Variants in NIBAN1 observed in about 807,000 individuals in gnomAD.
NIBAN1 encodes the protein niban apoptosis regulator 1.
NIBAN1 carries 81 observed loss-of-function variants against 75.1 expected under a neutral mutation model. That is an observed-to-expected ratio of 1.08 (90% CI 0.90 to 1.30). The LOEUF (loss-of-function observed/expected upper bound fraction) is 1.30, where lower values mean the gene tolerates loss of function less well. Ranked by LOEUF, NIBAN1 falls within the 50% of genes most tolerant of loss-of-function variation. The pLI is 0.00. For synonymous variants in NIBAN1, 436 were observed against 424.8 expected, an observed-to-expected ratio of 1.03 and a Z score of -0.32; for missense variants, 1,133 against 1,128.1, an observed-to-expected ratio of 1.00 and a Z score of -0.06.
At chr1:184,951,599 G>A (rs937253059) in intron 1 of NIBAN1, among the ~76,000 whole-genome samples, 8 of 151,818 alleles carry the variant, frequency 5.3e-5, no homozygotes, top group African/African-American at 1.5e-4. Flanking sequence ...ACCCAACCAT[G>A]TCTCCCTACC....
intron 1 of NIBAN1, among the ~76,000 whole-genome samples, chr1:184,952,674 C>A (rs1421623745): frequency 6.6e-6 from 1 of 152,214 alleles, no homozygotes; most frequent in Non-Finnish European, 1.5e-5. Flanking sequence ...GCCCACAGGC[C>A]ATGGATTGCA....
At chr1:184,911,871 T>C (rs186145177) in intron 1 of NIBAN1, among the ~76,000 whole-genome samples, 1 of 152,272 alleles carries the variant, frequency 6.6e-6, no homozygotes, top group Admixed American at 6.5e-5. Context: ...TATATATACC[T>C]ACTACCCAGC....
chr1:184,913,139 A>ATATATATATATATAT (rs774534374), intron 1 of NIBAN1, among the ~76,000 whole-genome samples: 7,641 of 102,946 alleles, frequency 0.074, 749 homozygotes, highest in African/African-American at 0.22. Context: ...TCATGCAGGT[A>ATATATATATATATAT]TATATATATA....
intron 6 of NIBAN1, among the ~76,000 whole-genome samples, chr1:184,826,823 C>T (rs980438193): frequency 2.7e-5 from 4 of 147,602 alleles, no homozygotes; most frequent in Admixed American, 1.3e-4. Context: ...AATATGTCTG[C>T]GAGGAAAAAG....
At chr1:184,879,329 G>A (rs1656315476) in intron 5 of NIBAN1, among the ~76,000 whole-genome samples, 1 of 152,106 alleles carries the variant, frequency 6.6e-6, no homozygotes, top group Non-Finnish European at 1.5e-5. Context: ...AGTGCCCAAA[G>A]GAGCCTAAGT....
At chr1:184,893,443 C>T (rs191074344) in intron 3 of NIBAN1, among the ~76,000 whole-genome samples, 10 of 152,194 alleles carry the variant, frequency 6.6e-5, no homozygotes, top group Admixed American at 4.6e-4. Context: ...GAATGCTTTA[C>T]ACCCATTATC....
At chr1:184,932,546 GA>G (rs1482741136) in intron 1 of NIBAN1, among the ~76,000 whole-genome samples, 1 of 152,178 alleles carries the variant, frequency 6.6e-6, no homozygotes, top group East Asian at 1.9e-4. Context: ...AAATACAGAT[GA>G]AGCTTCGCTT....
chr1:184,919,233 G>A (rs1270550392), intron 1 of NIBAN1, among the ~76,000 whole-genome samples: 1 of 152,170 alleles, frequency 6.6e-6, no homozygotes, highest in Non-Finnish European at 1.5e-5. Flanking sequence ...TAAATATCTG[G>A]TACAAACTGG....
At chr1:184,840,956 A>AGTGTGTGTGTGT (rs57091998) in intron 5 of NIBAN1, among the ~76,000 whole-genome samples, 1 of 147,976 alleles carries the variant, frequency 6.8e-6, no homozygotes, top group African/African-American at 2.5e-5. Context: ...AAAGAGTGTG[A>AGTGTGTGTGTGT]GTGTGTGTGT....
intron 1 of NIBAN1, among the ~76,000 whole-genome samples, chr1:184,910,058 TCTTCCATAAGGTGAGTTCACCTAGCA>T (rs1657201511): frequency 6.6e-6 from 1 of 152,198 alleles, no homozygotes; most frequent in African/African-American, 2.4e-5. Context: ...TGGAAATTGC[TCTTCCATAAGGTGAGTTCACCTAGCA>T]CTTAATAAAT....
At chr1:184,823,804 C>T (rs1327693881) in intron 6 of NIBAN1, 62 bp from the exon 7 acceptor site, 5 of 1,425,328 alleles carry the variant, frequency 3.5e-6, no homozygotes, top group Non-Finnish European at 4.9e-6. Context: ...GAGCATCAGG[C>T]CAACTAAAAA....
intron 9 of NIBAN1, among the ~76,000 whole-genome samples, chr1:184,811,803 C>T (rs1038784945): frequency 1.3e-5 from 2 of 152,130 alleles, no homozygotes; most frequent in African/African-American, 2.4e-5. Context: ...CATTGAAGTA[C>T]ATTTTTAAAA....
chr1:184,920,298 A>C (rs1319749704), intron 1 of NIBAN1, among the ~76,000 whole-genome samples: 1 of 152,216 alleles, frequency 6.6e-6, no homozygotes, highest in Non-Finnish European at 1.5e-5. Context: ...TGGGATACAG[A>C]GTGTGATATT....
intron 3 of NIBAN1, among the ~76,000 whole-genome samples, chr1:184,892,058 C>A (rs998075271): frequency 2.0e-5 from 3 of 152,168 alleles, no homozygotes; most frequent in Admixed American, 6.5e-5. Flanking sequence ...AGGAAAAACA[C>A]CAACATTTGA....
chr1:184,819,291 A>C (rs1654627346), intron 8 of NIBAN1, among the ~76,000 whole-genome samples: 2 of 152,122 alleles, frequency 1.3e-5, no homozygotes, highest in Non-Finnish European at 1.5e-5. Context: ...ACTCCAGTAC[A>C]TTCTTTTCTT....
At position 184,937,257 on chromosome 1, in the gene NIBAN1, G is replaced by C. The variant is rs531851852; in HGVS notation, c.55+37045C>G. 2.0e-5 allele frequency among the ~76,000 whole-genome samples: 3 copies of C among 150,278 alleles called. No individual in the cohort carries two copies. The South Asian group carries it at 6.3e-4, about 32-fold the overall frequency. On this transcript the variant is annotated intron_variant, in intron 1 of 13. Transcript: ENST00000367511. ...AGTGTACTACAACCTTTAACTTCTGGGTTCAAGCAATGCTCCTGCCTCAGC... is the reference window on the plus strand; with the variant it reads ...AGTGTACTACAACCTTTAACTTCTGCGTTCAAGCAATGCTCCTGCCTCAGC...
At chr1:184,814,862 G>A (rs74132050) in intron 9 of NIBAN1, among the ~76,000 whole-genome samples, 13,765 of 152,228 alleles carry the variant, frequency 0.09, 1,993 homozygotes, top group African/African-American at 0.31. Flanking sequence ...TCAAGAGGAC[G>A]TAAGTCCAGT....
intron 12 of NIBAN1, 68 bp downstream of exon 12, chr1:184,803,517 C>A: frequency 7.7e-7 from 1 of 1,294,136 alleles, no homozygotes; most frequent in Non-Finnish European, 1.1e-6. Context: ...CAGTACACAT[C>A]ACAAAAGAAC....
intron 5 of NIBAN1, among the ~76,000 whole-genome samples, chr1:184,881,276 C>G (rs1656370987): frequency 6.6e-6 from 1 of 152,110 alleles, no homozygotes; most frequent in South Asian, 2.1e-4. Context: ...CATAATCAGG[C>G]CCTTCATCAG....
Sources: gnomAD v4.1 joint callset for allele counts (sites outside exome capture counted in the v4.1 genomes callset) on GRCh38, gnomAD v4.1.1 for gene constraint, MANE v1.5 for transcripts, NCBI Gene and HGNC (gene_info 2026-07-23, HGNC 2026-07-21) for gene names.